Variants in CDH10 observed in about 807,000 individuals in gnomAD.
The protein encoded by CDH10 is cadherin-10.
In CDH10, 30 loss-of-function variants were observed where a neutral mutation model predicts 73.1. The ratio of observed to expected loss-of-function variants is 0.41; its 90% confidence interval spans 0.31 to 0.56. The LOEUF is 0.56. CDH10 is among the 20% of genes least tolerant of loss of function. The probability of loss-of-function intolerance (pLI) is 0.27; values close to 1 mark genes in which losing one functional copy is unlikely to be tolerated. For missense variants in CDH10, 815 were observed against 973.7 expected (o/e 0.84, Z 2.17); for synonymous variants, 345 against 348.2 (o/e 0.99, Z 0.10).
chr5:24,613,541 A>AT (rs35564764), intron 1 of CDH10, among the ~76,000 whole-genome samples: 1 of 150,534 alleles, frequency 6.6e-6, no homozygotes, highest in East Asian at 1.9e-4. Context: ...AAAAAAAAAA[A>AT]GGAAATGACA....
At chr5:24,517,614 A>C (rs1743157471) in intron 5 of CDH10, among the ~76,000 whole-genome samples, 1 of 152,182 alleles carries the variant, frequency 6.6e-6, no homozygotes, top group Non-Finnish European at 1.5e-5. Context: ...AATTCAGTTC[A>C]ATATCTTAGT....
chr5:24,512,160 G>A (rs1319977870), intron 5 of CDH10, among the ~76,000 whole-genome samples: 1 of 152,028 alleles, frequency 6.6e-6, no homozygotes, highest in Non-Finnish European at 1.5e-5. Flanking sequence ...AAAAATATTA[G>A]CATGTTGTCT....
intron 9 of CDH10, among the ~76,000 whole-genome samples, chr5:24,496,403 ACT>A (rs1304677755): frequency 1.3e-5 from 2 of 152,084 alleles, no homozygotes; most frequent in African/African-American, 4.8e-5. Context: ...AGGTCCTCTG[ACT>A]CTCTCTGAGA....
chr5:24,632,206 T>C (rs1747724494), intron 1 of CDH10, among the ~76,000 whole-genome samples: 1 of 152,104 alleles, frequency 6.6e-6, no homozygotes, highest in African/African-American at 2.4e-5. Context: ...TATGCTTCTT[T>C]CTATATTTAT....
chr5:24,572,287 T>C (rs1227885455), intron 2 of CDH10, among the ~76,000 whole-genome samples: 1 of 152,080 alleles, frequency 6.6e-6, no homozygotes, highest in Non-Finnish European at 1.5e-5. Flanking sequence ...GGTAAAGAAG[T>C]AGCAATGCAC....
Position 24,557,046 on chromosome 5 carries a change from T to C in CDH10, c.232-19372A>G, listed in dbSNP as rs1185727256. On this transcript the variant is annotated intron_variant, in intron 2 of 11. Coordinates refer to ENST00000264463, the MANE Select transcript of CDH10 (RefSeq NM_006727.5). ...TTTCAACTTGCCTAGACAAACTCATTTGATGTGCTTAAAGTCTCTAAAAAA... is the reference window on the plus strand; with the variant it reads ...TTTCAACTTGCCTAGACAAACTCATCTGATGTGCTTAAAGTCTCTAAAAAA... Among the ~76,000 whole-genome samples the C allele has an allele frequency of 2.6e-5, 4 of 151,832 alleles. No homozygotes were observed. In the South Asian group the frequency reaches 6.2e-4, roughly 24 times the overall value.
intron 1 of CDH10, among the ~76,000 whole-genome samples, chr5:24,622,843 A>G (rs1747362552): frequency 1.3e-5 from 2 of 152,214 alleles, no homozygotes; most frequent in African/African-American, 4.8e-5. Flanking sequence ...TTAAAAATAA[A>G]ATCTTCACTT....
At chr5:24,505,289 TAATA>T in intron 7 of CDH10, 41 bp from the exon 8 acceptor site, 2 of 1,581,528 alleles carry the variant, frequency 1.3e-6, no homozygotes. Flanking sequence ...GCAGCATTAT[TAATA>T]GTTTGCAGGA....
At chr5:24,590,368 G>T (rs989208342) in intron 2 of CDH10, among the ~76,000 whole-genome samples, 1 of 150,422 alleles carries the variant, frequency 6.6e-6, no homozygotes, top group Non-Finnish European at 1.5e-5. Flanking sequence ...TACAATAATA[G>T]AAATTATTTA....
intron 9 of CDH10, among the ~76,000 whole-genome samples, chr5:24,497,267 G>A (rs1742325419): frequency 6.6e-6 from 1 of 152,076 alleles, no homozygotes; most frequent in African/African-American, 2.4e-5. Flanking sequence ...CATAGAGGGA[G>A]CGATGTATGC....
At chr5:24,515,721 G>A (rs1262929555) in intron 5 of CDH10, among the ~76,000 whole-genome samples, 1 of 152,046 alleles carries the variant, frequency 6.6e-6, no homozygotes, top group Non-Finnish European at 1.5e-5. Context: ...TGTCTTTCAT[G>A]GCTGATATGG....
Position 24,505,241 on chromosome 5 carries a change from A to C in CDH10, c.1264T>G (p.Leu422Val). 6.2e-7 allele frequency: 1 copy of C among 1,612,986 alleles called. No homozygotes were observed. Among genetic ancestry groups the C allele is most frequent in the South Asian group, 1.1e-5 (1 of 91,006 alleles). The change falls in exon 8 of 12, where the codon TTG becomes GTG. Residue 422 changes from leucine to valine, a missense_variant. Leu to Val is a conservative substitution (Grantham distance 32). Coordinates refer to ENST00000264463, the MANE Select transcript of CDH10 (RefSeq NM_006727.5). The stretch of plus-strand genomic sequence containing the variant: ...CTGTCAAGGTCAGTATGGCGATCCA[A>C]GGAAAATCTGAACATGGAGGGCAAG... ...DSISSPIRFS[L>V]DRHTDLDRIF...
intron 2 of CDH10, among the ~76,000 whole-genome samples, chr5:24,566,237 A>C (rs1390488974): frequency 6.6e-6 from 1 of 152,108 alleles, no homozygotes; most frequent in South Asian, 2.1e-4. Context: ...TAGTAGAGGC[A>C]GGATTTCACC....
chr5:24,552,009 C>G (rs980398183), intron 2 of CDH10, among the ~76,000 whole-genome samples: 5 of 151,946 alleles, frequency 3.3e-5, no homozygotes, highest in African/African-American at 9.7e-5. Context: ...AGTATGTTAT[C>G]TTCTATTAAA....
intron 2 of CDH10, among the ~76,000 whole-genome samples, chr5:24,578,755 C>T (rs938275750): frequency 6.6e-6 from 1 of 152,056 alleles, no homozygotes; most frequent in South Asian, 2.1e-4. Flanking sequence ...GTCTACCATT[C>T]ATGAAAGCAA....
chr5:24,516,056 C>CCA (rs1743098531), intron 5 of CDH10, among the ~76,000 whole-genome samples: 7 of 152,154 alleles, frequency 4.6e-5, no homozygotes, highest in Admixed American at 4.6e-4. Flanking sequence ...TCTTTATTAG[C>CCA]AGCATGAAAA....
chr5:24,511,280 C>T, intron 6 of CDH10, 47 bp downstream of exon 6: 1 of 1,150,860 alleles, frequency 8.7e-7, no homozygotes, highest in Non-Finnish European at 1.3e-6. Context: ...TAATGCAATC[C>T]CTACTCCTGA....
rs375903214 is a variant in CDH10, at chr5:24,600,349, A to G, written c.-123-6736T>C. Among the ~76,000 whole-genome samples, 8 of 152,270 alleles carry G rather than the reference A, an allele frequency of 5.3e-5. No individual in the cohort carries two copies. In the East Asian group the frequency reaches 1.5e-3, roughly 29 times the overall value. ...CATGTTTGGGATTTTCTTTCTATAA[A>G]TAGGGTCATTGATGCTGAGAATTAT... On this transcript the variant is annotated intron_variant, in intron 1 of 11. Coordinates refer to ENST00000264463, the MANE Select transcript of CDH10 (RefSeq NM_006727.5).
In CDH10 at chr5:24,537,680, G is replaced by T. The variant is rs762779631; in HGVS notation, c.232-6C>A. 2 of 1,551,312 alleles carry T rather than the reference G, an allele frequency of 1.3e-6. No individual in the cohort carries two copies. The highest frequency in any genetic ancestry group is 1.8e-6 in the Non-Finnish European group (2 of 1,137,606). ...TTATCTTGGTCTGAATGTAGCTAGG[G>T]GAAATAAAAAAGAGTATATCCATGA... On this transcript the variant is annotated splice_polypyrimidine_tract_variant and splice_region_variant and intron_variant, in intron 2 of 11. Transcript: ENST00000264463.
Sources: allele counts gnomAD v4.1 joint callset (sites outside exome capture counted in the v4.1 genomes callset), GRCh38; gene constraint gnomAD v4.1.1; transcripts MANE v1.5; gene names NCBI Gene and HGNC (gene_info 2026-07-23, HGNC 2026-07-21).